Variants in RASGRF1 observed in about 807,000 individuals in gnomAD.
The protein encoded by RASGRF1 is ras-specific guanine nucleotide-releasing factor 1.
In RASGRF1, 40 loss-of-function variants were observed where a neutral mutation model predicts 138.7. That is an observed-to-expected ratio of 0.29 (90% confidence interval 0.22 to 0.38). The LOEUF (loss-of-function observed/expected upper bound fraction) is 0.38. Ranked by LOEUF, RASGRF1 falls within the 10% of genes least tolerant of loss-of-function variation. The pLI is 1.00. For missense variants in RASGRF1, 1,108 were observed against 1,650.4 expected (o/e 0.67, Z 5.69); for synonymous variants, 614 against 663.2 (o/e 0.93, Z 1.14).
At chr15:79,077,960 C>T (rs1368670914) in intron 1 of RASGRF1, among the ~76,000 whole-genome samples, 2 of 152,152 alleles carry the variant, frequency 1.3e-5, no homozygotes, top group African/African-American at 4.8e-5. Flanking sequence ...GATCCCACCC[C>T]TTACCAGGTC....
In RASGRF1 at chr15:79,046,337, C is replaced by T. The variant is rs2057354186; in HGVS notation, c.878+409G>A. On this transcript the variant is annotated intron_variant, in intron 5 of 26. Transcript: ENST00000558480. This position sits in a 1 kb window ranked among gnomAD's most constrained non-coding sequence, Gnocchi z 5.3. Reference sequence around the variant, plus strand: ...GGTTCCTTAACCGTGGCACTACTGACATTGTAGTTGGAATAATTCTTTGTT... The same window carrying T: ...GGTTCCTTAACCGTGGCACTACTGATATTGTAGTTGGAATAATTCTTTGTT... Among the ~76,000 whole-genome samples the T allele has an allele frequency of 6.6e-6, 1 of 152,218 alleles. No homozygotes were observed.
chr15:79,088,368 A>T (rs748616373), intron 1 of RASGRF1, among the ~76,000 whole-genome samples: 1 of 152,206 alleles, frequency 6.6e-6, no homozygotes, highest in Non-Finnish European at 1.5e-5. Context: ...CATATACATT[A>T]TTTAATGTAG....
chr15:79,041,418 G>C (rs2057295823), intron 5 of RASGRF1, among the ~76,000 whole-genome samples: 2 of 152,196 alleles, frequency 1.3e-5, no homozygotes, highest in Admixed American at 1.3e-4. Flanking sequence ...AATATAGTGA[G>C]AGACCTAGAC....
In RASGRF1 at chr15:79,032,112, C is replaced by T. The variant is rs754535412; in HGVS notation, c.1152+11G>A. The T allele has an allele frequency of 3.7e-6, 6 of 1,611,590 alleles. No homozygotes were observed. The highest frequency in any genetic ancestry group is 1.7e-5 in the Admixed American group (1 of 59,866). On this transcript the variant is annotated intron_variant, in intron 7 of 26. Coordinates refer to ENST00000558480, the MANE Select transcript of RASGRF1 (RefSeq NM_001145648.3). This position sits in a 1 kb window ranked among gnomAD's most constrained non-coding sequence, Gnocchi z 4.5. Reference sequence around the variant, plus strand: ...CTGACTCTACCCCACCCAGGCAGGGCCGGACGCCACCTGGAACATGGGGTA... The same window carrying T: ...CTGACTCTACCCCACCCAGGCAGGGTCGGACGCCACCTGGAACATGGGGTA...
intron 15 of RASGRF1, among the ~76,000 whole-genome samples, chr15:79,002,826 G>A (rs558674562): frequency 6.6e-6 from 1 of 152,192 alleles, no homozygotes; most frequent in African/African-American, 2.4e-5. Context: ...TCTGCTGGGG[G>A]TGCCCTCTGC....
chr15:78,997,498 C>T (rs62011191), intron 19 of RASGRF1, among the ~76,000 whole-genome samples: 18,690 of 152,070 alleles, frequency 0.12, 1,263 homozygotes, highest in Admixed American at 0.15. Flanking sequence ...TTTGGGAGGC[C>T]GAGGTGGGCA....
Position 79,076,650 on chromosome 15 carries a change from G to A in RASGRF1, c.277-12124C>T, listed in dbSNP as rs530365843. 2.6e-5 allele frequency among the ~76,000 whole-genome samples: 4 copies of A among 152,326 alleles called. No homozygotes were observed. The East Asian group carries it at 7.7e-4, about 29-fold the overall frequency. ...AGAGAAAGTGGCAAGAGGTGGTGATGGAATCAAGTGGTGGGGGCAAGGCTA... is the reference window on the plus strand; with the variant it reads ...AGAGAAAGTGGCAAGAGGTGGTGATAGAATCAAGTGGTGGGGGCAAGGCTA... On this transcript the variant is annotated intron_variant, in intron 1 of 26. Transcript: ENST00000558480.
chr15:79,025,200 G>A, intron 10 of RASGRF1, 114 bp downstream of exon 10: 1 of 1,221,336 alleles, frequency 8.2e-7, no homozygotes, highest in South Asian at 1.8e-5. Flanking sequence ...GTGTGTGCAT[G>A]CACACGTCTC....
chr15:79,027,813 G>C lies in RASGRF1; in HGVS notation c.1309C>G (p.Leu437Val). 6.2e-7 allele frequency: 1 copy of C among 1,614,238 alleles called. No individual in the cohort carries two copies. ...VSETENIRKNLAIERMIIEGC... is the reference protein window; with the variant it reads ...VSETENIRKNVAIERMIIEGC... Reference sequence around the variant, plus strand: ...TCGATGATCATGCGCTCGATGGCCAGGTTTTTCCGGATGTTCTCCGTCTCA... The same window carrying C: ...TCGATGATCATGCGCTCGATGGCCACGTTTTTCCGGATGTTCTCCGTCTCA... The change falls in exon 9 of 27, where the codon CTG (leucine) becomes GTG (valine). Residue 437 changes from leucine (L) to valine (V), a missense_variant. By Grantham distance (32) the Leu-to-Val change is conservative. Coordinates refer to ENST00000558480, the MANE Select transcript of RASGRF1 (RefSeq NM_001145648.3). The surrounding 1 kb of genome is among the most constrained non-coding windows in gnomAD (Gnocchi z 4.8).
chr15:79,047,112 C>G, intron 4 of RASGRF1, 113 bp from the exon 5 acceptor site: 1 of 1,333,554 alleles, frequency 7.5e-7, no homozygotes, highest in African/African-American at 1.4e-5. Context: ...TATTCCTACG[C>G]CGGGCATGTA....
chr15:79,049,490 A>G lies in RASGRF1; in HGVS notation c.624+6T>C, dbSNP rs374326387. ...AAAGAAGGCCACCCAGAGGGATAGC[A>G]CTGACCTTCTTAATTTTCTTGATGT... On this transcript the variant is annotated splice_donor_region_variant and intron_variant, in intron 4 of 26. Transcript: ENST00000558480. The G allele has an allele frequency of 4.7e-5, 76 of 1,613,510 alleles. No individual in the cohort carries two copies. In the African/African-American group the frequency reaches 9.7e-4, roughly 21 times the overall value.
chr15:79,000,007 A>G (rs147265933), intron 16 of RASGRF1, 94 bp from the exon 17 acceptor site: 163 of 1,348,558 alleles, frequency 1.2e-4, no homozygotes, highest in Middle Eastern at 1.9e-4. Flanking sequence ...AGCAGCCTTA[A>G]GAGCCAGCAG....
intron 24 of RASGRF1, among the ~76,000 whole-genome samples, chr15:78,975,942 G>A (rs532908478): frequency 1.0e-3 from 155 of 152,288 alleles, no homozygotes; most frequent in African/African-American, 3.4e-3. Flanking sequence ...AGTGCTGACC[G>A]GTGGGTTCTG....
At chr15:78,978,215 C>CTTTTCTTTTTTTT (rs2055915117) in intron 24 of RASGRF1, among the ~76,000 whole-genome samples, 1 of 79,344 alleles carries the variant, frequency 1.3e-5, no homozygotes, top group African/African-American at 5.1e-5. Flanking sequence ...TTTTTCTTTT[C>CTTTTCTTTTTTTT]TTTTGTTTTT....
At chr15:79,061,778 T>C (rs1241131138) in intron 2 of RASGRF1, among the ~76,000 whole-genome samples, 2 of 152,226 alleles carry the variant, frequency 1.3e-5, no homozygotes, top group Non-Finnish European at 2.9e-5. Context: ...CTGAGCAGCA[T>C]ACCAAGGTGA....
At chr15:78,969,901 T>G (rs1178674444) in intron 26 of RASGRF1, among the ~76,000 whole-genome samples, 1 of 152,204 alleles carries the variant, frequency 6.6e-6, no homozygotes, top group African/African-American at 2.4e-5. Flanking sequence ...GTGCTTGGCA[T>G]GTAGGACTTG....
In RASGRF1 at chr15:79,002,935, T is replaced by A. The variant is rs1028736852; in HGVS notation, c.2449+867A>T. Among the ~76,000 whole-genome samples, 18 of 152,362 alleles carry A rather than the reference T, an allele frequency of 1.2e-4. 1 individual carries two copies. The highest frequency in any genetic ancestry group is 1.0e-3 in the Admixed American group (16 of 15,308). On this transcript the variant is annotated intron_variant, in intron 15 of 26. Coordinates refer to ENST00000558480, the MANE Select transcript of RASGRF1 (RefSeq NM_001145648.3). ...TGACCAGCCCCTGGTTGCACGTGGG[T>A]GCGTGCGTGTGTGCACGTGCTCTCA...
In RASGRF1 at chr15:79,027,722, C is replaced by T. The variant is rs1440973986; in HGVS notation, c.1381+19G>A. The T allele has an allele frequency of 6.2e-7, 1 of 1,610,930 alleles. No homozygotes were observed. The highest frequency in any genetic ancestry group is 8.5e-7 in the Non-Finnish European group (1 of 1,177,244). ...GCCCACCTGGTGGGGGCAGGGGAGA[C>T]AGGGTGCAGAGGCCATACCTTGTCT... On this transcript the variant is annotated intron_variant, in intron 9 of 26. Coordinates refer to ENST00000558480, the MANE Select transcript of RASGRF1 (RefSeq NM_001145648.3). This position sits in a 1 kb window ranked among gnomAD's most constrained non-coding sequence, Gnocchi z 4.8.
At position 79,058,373 on chromosome 15, in the gene RASGRF1, G is replaced by C. The variant is rs374748005; in HGVS notation, c.492C>G (p.Ile164Met). ...KTVAKQLRQQ[I>M]EDGEIEIERL... ...GCTCGATCTCGATCTCCCCATCCTC[G>C]ATCTGCTGCCGAAGCTGCTTGGCCA... Residue 164 changes from isoleucine (I) to methionine (M), a missense_variant, in exon 3 of 27, where the codon ATC becomes ATG. Around this residue, in one of 3 missense-constraint regions of RASGRF1, gnomAD observed 253 missense variants for 329.5 expected, o/e 0.77. Coordinates refer to ENST00000558480, the MANE Select transcript of RASGRF1 (RefSeq NM_001145648.3). The C allele has an allele frequency of 3.7e-6, 6 of 1,614,064 alleles. No individual in the cohort carries two copies. Among genetic ancestry groups the C allele is most frequent in the Non-Finnish European group, 5.1e-6 (6 of 1,180,016 alleles).
Sources: allele counts gnomAD v4.1 joint callset (sites outside exome capture counted in the v4.1 genomes callset), GRCh38; gene constraint gnomAD v4.1.1; regional missense constraint gnomAD v4.1.1; non-coding constraint Gnocchi (gnomAD v3.1); transcripts MANE v1.5; gene names NCBI Gene and HGNC (gene_info 2026-07-23, HGNC 2026-07-21).